Variants in CTNNA2 observed in about 807,000 individuals in gnomAD.
CTNNA2 encodes catenin alpha-2.
CTNNA2 carries 42 observed loss-of-function variants against 101.0 expected under a neutral mutation model. The observed-to-expected ratio is 0.42, with a 90% CI of 0.32 to 0.54. The LOEUF is 0.54. Among genes scored for constraint, CTNNA2 ranks in the 20% least tolerant of loss-of-function variants. CTNNA2 has a pLI of 0.14. For missense variants in CTNNA2, 871 were observed against 1,223.1 expected (o/e 0.71, Z 4.29); for synonymous variants, 450 against 456.4 (o/e 0.99, Z 0.18).
At chr2:80,287,547 C>A (rs1930) in intron 7 of CTNNA2, among the ~76,000 whole-genome samples, 1 of 151,934 alleles carries the variant, frequency 6.6e-6, no homozygotes, top group Admixed American at 6.6e-5. Flanking sequence ...ACGATACTGA[C>A]GATAGTAATA....
At chr2:80,312,574 C>T (rs1243987322) in intron 7 of CTNNA2, among the ~76,000 whole-genome samples, 2 of 152,296 alleles carry the variant, frequency 1.3e-5, no homozygotes, top group East Asian at 1.9e-4. Flanking sequence ...GGAAGTTAAA[C>T]TTTAAAATGG....
At chr2:80,646,073 T>G (rs1385190597) in intron 18 of CTNNA2, among the ~76,000 whole-genome samples, 1 of 152,132 alleles carries the variant, frequency 6.6e-6, no homozygotes, top group Non-Finnish European at 1.5e-5. Flanking sequence ...ATACAACTTC[T>G]GATAACCTCA....
chr2:80,324,603 A>T (rs183792320), intron 7 of CTNNA2, among the ~76,000 whole-genome samples: 2 of 152,240 alleles, frequency 1.3e-5, no homozygotes, highest in Admixed American at 1.3e-4. Context: ...GATGTGGGGG[A>T]GACTGATTTA....
At chr2:80,214,985 T>C (rs1346468788) in intron 7 of CTNNA2, among the ~76,000 whole-genome samples, 1 of 152,194 alleles carries the variant, frequency 6.6e-6, no homozygotes, top group African/African-American at 2.4e-5. Context: ...TAAACTTCTC[T>C]TCTCGCTTCA....
chr2:79,471,972 A>C (rs1281017659), intron 4 of CTNNA2, among the ~76,000 whole-genome samples: 1 of 152,200 alleles, frequency 6.6e-6, no homozygotes. Flanking sequence ...AACATCCCCA[A>C]AGTCTTAATC....
intron 2 of CTNNA2, among the ~76,000 whole-genome samples, chr2:79,654,143 C>G (rs1433442637): frequency 2.6e-5 from 4 of 152,170 alleles, no homozygotes; most frequent in Admixed American, 2.6e-4. Flanking sequence ...TCAAGGAGAT[C>G]TATAATTTTT....
intron 3 of CTNNA2, among the ~76,000 whole-genome samples, chr2:79,821,681 C>A (rs1440099556): frequency 6.6e-6 from 1 of 152,164 alleles, no homozygotes; most frequent in Non-Finnish European, 1.5e-5. Flanking sequence ...ATACATGTAA[C>A]TTTCCTTGAA....
chr2:79,640,178 G>T (rs969919682), intron 1 of CTNNA2, among the ~76,000 whole-genome samples: 2 of 152,068 alleles, frequency 1.3e-5, no homozygotes, highest in Non-Finnish European at 2.9e-5. Flanking sequence ...ACTTAAAGTC[G>T]TTCTAAATAC....
chr2:79,561,242 G>T (rs1244949175), intron 1 of CTNNA2, among the ~76,000 whole-genome samples: 4 of 151,780 alleles, frequency 2.6e-5, no homozygotes, highest in Admixed American at 2.6e-4. Flanking sequence ...CAATGTTGTA[G>T]CATTTATAAA....
At chr2:79,367,309 A>G (rs1677772066) in intron 3 of CTNNA2, among the ~76,000 whole-genome samples, 1 of 152,218 alleles carries the variant, frequency 6.6e-6, no homozygotes, top group African/African-American at 2.4e-5. Flanking sequence ...TAAGCCAGCC[A>G]GTCTGCAATA....
At chr2:80,007,808 C>G (rs890614719) in intron 7 of CTNNA2, among the ~76,000 whole-genome samples, 5 of 152,078 alleles carry the variant, frequency 3.3e-5, no homozygotes. Context: ...TGCAACAACC[C>G]TTTCTCCCAA....
At chr2:79,409,791 T>C (rs1678387000) in intron 4 of CTNNA2, among the ~76,000 whole-genome samples, 1 of 142,880 alleles carries the variant, frequency 7.0e-6, no homozygotes, top group African/African-American at 2.6e-5. Flanking sequence ...GGGCTCTTTT[T>C]TGGTTCCATA....
chr2:80,207,024 A>T (rs961083671), intron 7 of CTNNA2, among the ~76,000 whole-genome samples: 1 of 152,124 alleles, frequency 6.6e-6, no homozygotes, highest in East Asian at 1.9e-4. Flanking sequence ...ATTCCATCGT[A>T]TTCATTTCTG....
At chr2:80,392,787 G>A (rs779008157) in intron 7 of CTNNA2, among the ~76,000 whole-genome samples, 1 of 152,118 alleles carries the variant, frequency 6.6e-6, no homozygotes, top group African/African-American at 2.4e-5. Flanking sequence ...TCCGAATTCT[G>A]GTGATTTACT....
Position 79,462,278 on chromosome 2 carries a change from C to A in CTNNA2, c.-134-42776C>A, listed in dbSNP as rs1031722517. ...GTAAGGGCTCAAAAAGCATACCACTCTCAAACATTTCCTGGGGAAATAAAA... is the reference window on the plus strand; with the variant it reads ...GTAAGGGCTCAAAAAGCATACCACTATCAAACATTTCCTGGGGAAATAAAA... On this transcript the variant is annotated intron_variant, in intron 4 of 21. Transcript: ENST00000466387. Among the ~76,000 whole-genome samples, 3 of 152,182 alleles carry A rather than the reference C, an allele frequency of 2.0e-5. No individual in the cohort carries two copies. The East Asian group carries it at 5.8e-4, about 29-fold the overall frequency.
rs550051492 is a variant in CTNNA2, at chr2:80,459,996, C to A, written c.1290+40395C>A. 6.4e-4 allele frequency among the ~76,000 whole-genome samples: 98 copies of A among 152,224 alleles called. 1 individual carries two copies. The highest frequency in any genetic ancestry group is 2.2e-3 in the African/African-American group (90 of 41,548). ...GAGACTCAAAATAATTTCCTTTACC[C>A]AGCGTTTATTTGGGAAATCCCCTGA... On this transcript the variant is annotated intron_variant, in intron 9 of 18. Transcript: ENST00000402739.
chr2:80,072,045 G>C (rs145068856), intron 7 of CTNNA2, among the ~76,000 whole-genome samples: 13 of 152,132 alleles, frequency 8.5e-5, no homozygotes, highest in Non-Finnish European at 1.8e-4. Flanking sequence ...GTCATGCAAT[G>C]CTTCTTAAGC....
chr2:79,308,316 G>A (rs1027395650), intron 2 of CTNNA2, among the ~76,000 whole-genome samples: 9 of 152,070 alleles, frequency 5.9e-5, no homozygotes, highest in African/African-American at 2.2e-4. Context: ...AAATTTCTGG[G>A]ATTACAGTCA....
chr2:79,977,018 C>T (rs1574453840), intron 7 of CTNNA2, among the ~76,000 whole-genome samples: 1 of 152,136 alleles, frequency 6.6e-6, no homozygotes, highest in African/African-American at 2.4e-5. Flanking sequence ...GTTCTTTCCT[C>T]CCTGTGGTTT....
Sources: gnomAD v4.1 joint callset for allele counts (sites outside exome capture counted in the v4.1 genomes callset) on GRCh38, gnomAD v4.1.1 for gene constraint, MANE v1.5 for transcripts, NCBI Gene and HGNC (gene_info 2026-07-23, HGNC 2026-07-21) for gene names.